The following TRIM38 variants were observed in gnomAD, a reference collection of about 807,000 sequenced individuals.
The protein encoded by TRIM38 is E3 ubiquitin-protein ligase TRIM38.
Under a neutral mutation model 35.8 loss-of-function variants are expected in TRIM38, and 35 were observed. That is an observed-to-expected ratio of 0.98 (90% CI 0.75 to 1.30). The LOEUF is 1.30. TRIM38 is among the 50% of genes most tolerant of loss of function. The pLI, the probability that TRIM38 is intolerant of heterozygous loss-of-function variation, is 0.00. For missense variants in TRIM38, 545 were observed against 556.9 expected (o/e 0.98, Z 0.21); for synonymous variants, 198 against 204.7 (o/e 0.97, Z 0.28).
intron 7 of TRIM38, among the ~76,000 whole-genome samples, chr6:25,982,690 T>G (rs58764905): frequency 6.6e-6 from 1 of 152,228 alleles, no homozygotes; most frequent in Non-Finnish European, 1.5e-5. Context: ...AATTTCCACT[T>G]TATAGTTAAC....
At chr6:25,977,776 C>T (rs1253338157) in intron 7 of TRIM38, among the ~76,000 whole-genome samples, 2 of 151,926 alleles carry the variant, frequency 1.3e-5, no homozygotes, top group Non-Finnish European at 2.9e-5. Context: ...GTCATCTTTG[C>T]TCTGATAGCA....
At chr6:25,972,210 G>A (rs2113595851) in intron 5 of TRIM38, 111 bp downstream of exon 5, 1 of 960,636 alleles carries the variant, frequency 1.0e-6, no homozygotes, top group South Asian at 1.6e-5. Context: ...ATGTACATCA[G>A]TGCCATCAGG....
chr6:25,983,043 A>C (rs1760599175), intron 7 of TRIM38, 121 bp from the exon 8 acceptor site: 1 of 927,212 alleles, frequency 1.1e-6, no homozygotes, highest in Non-Finnish European at 1.6e-6. Flanking sequence ...GAGTTGAGAT[A>C]GTGCCAGTGC....
rs190711675 is a variant in TRIM38, at chr6:25,987,790, T to C, written c.*4103T>C. On this transcript the variant is annotated 3_prime_UTR_variant, in exon 8 of 8. Transcript: ENST00000357085. ...ATGTATAATGTCATGTATTCACCAT[T>C]ATAGTATCACAGAAGTTTCACTGCC... The C allele has an allele frequency of 1.3e-5, 2 of 152,338 alleles. No individual in the cohort carries two copies. The highest frequency in any genetic ancestry group is 2.9e-5 in the Non-Finnish European group (2 of 68,026). The allele number at this position is 152,338 out of a possible 1,614,324, so 9.4% of individuals were successfully genotyped here.
chr6:25,983,302 G>A lies in TRIM38; in HGVS notation c.1013G>A (p.Gly338Asp). The stretch of plus-strand genomic sequence containing the variant: ...TTTACTGCCTTCCCCTGTGTCTTGG[G>A]TTGTGAAGGCTTCACCTCAGGAAGA... ...RRFTAFPCVLGCEGFTSGRRY... is the reference protein window; with the variant it reads ...RRFTAFPCVLDCEGFTSGRRY... Residue 338 changes from glycine (G) to aspartate (D), a missense_variant, in exon 8 of 8, where the codon GGT (glycine) becomes GAT (aspartate). Transcript: ENST00000357085. 1.2e-6 allele frequency: 2 copies of A among 1,614,170 alleles called. No individual in the cohort carries two copies. Among genetic ancestry groups the A allele is most frequent in the South Asian group, 1.1e-5 (1 of 91,088 alleles).
Position 25,983,451 on chromosome 6 carries a change from T to A in TRIM38, c.1162T>A (p.Cys388Ser). The A allele has an allele frequency of 3.1e-6, 5 of 1,614,134 alleles. No homozygotes were observed. Among genetic ancestry groups the A allele is most frequent in the Non-Finnish European group, 4.2e-6 (5 of 1,180,028 alleles). The stretch of plus-strand genomic sequence containing the variant: ...GTCTGGATTCTGGACCCTCAGGCTG[T>A]GCAAAAAGAAAGGCTATGTAGCACT... ...PQSGFWTLRL[C>S]KKKGYVALTS... The change falls in exon 8 of 8, where the codon TGC becomes AGC. Residue 388 changes from cysteine (C) to serine (S), a missense_variant. Coordinates refer to ENST00000357085, the MANE Select transcript of TRIM38 (RefSeq NM_006355.5).
At chr6:25,974,735 A>T in intron 7 of TRIM38, 1 of 205,154 alleles carries the variant, frequency 4.9e-6, no homozygotes, top group Non-Finnish European at 8.6e-6. Context: ...GTTGAACTTT[A>T]GAGTATATGC....
At position 25,990,022 on chromosome 6, in the gene TRIM38, C is replaced by A. The variant is rs199820208; in HGVS notation, c.*6335C>A. On this transcript the variant is annotated 3_prime_UTR_variant, in exon 8 of 8. Transcript: ENST00000357085. ...ACTTTATCATCCTTTTTTTTTTTTTCTTTCTTCCTTTTTAGATACAGGGTC... is the reference window on the plus strand; with the variant it reads ...ACTTTATCATCCTTTTTTTTTTTTTATTTCTTCCTTTTTAGATACAGGGTC... 1 of 108,282 alleles carries A rather than the reference C, an allele frequency of 9.2e-6. No individual in the cohort carries two copies. The highest frequency in any genetic ancestry group is 3.0e-4 in the East Asian group (1 of 3,310). 6.7% of individuals were successfully genotyped at this position (108,282 alleles called of 1,614,324 possible).
chr6:25,966,988 A>T, intron 3 of TRIM38, 55 bp downstream of exon 3: 1 of 1,498,036 alleles, frequency 6.7e-7, no homozygotes, highest in Non-Finnish European at 9.0e-7. Flanking sequence ...CCTGCTCCCC[A>T]GGAGCTGAGA....
chr6:25,980,332 T>G (rs1760509233), intron 7 of TRIM38, among the ~76,000 whole-genome samples: 1 of 152,230 alleles, frequency 6.6e-6, no homozygotes, highest in African/African-American at 2.4e-5. Context: ...CTTTGTATAT[T>G]AACACAATTC....
At chr6:25,965,610 G>C (rs930937635) in intron 2 of TRIM38, among the ~76,000 whole-genome samples, 1 of 152,216 alleles carries the variant, frequency 6.6e-6, no homozygotes, top group East Asian at 1.9e-4. Flanking sequence ...CTGGGCAAGA[G>C]AGCGAGAACT....
At chr6:25,970,241 A>G (rs1156495968) in intron 4 of TRIM38, among the ~76,000 whole-genome samples, 1 of 152,196 alleles carries the variant, frequency 6.6e-6, no homozygotes, top group African/African-American at 2.4e-5. Flanking sequence ...AGTACATCAC[A>G]AGTAATGCAA....
rs1219466444 is a variant in TRIM38 at position 25,984,487 on chromosome 6, CGAGT to C, written c.*805_*808del. 2 of 152,198 alleles carry C rather than the reference CGAGT, an allele frequency of 1.3e-5. No homozygotes were observed. The highest frequency in any genetic ancestry group is 2.9e-5 in the Non-Finnish European group (2 of 68,030). 9.4% of individuals were successfully genotyped at this position (152,198 alleles called of 1,614,324 possible). On this transcript the variant is annotated 3_prime_UTR_variant, in exon 8 of 8. Transcript: ENST00000357085. Reference sequence around the variant, plus strand: ...TTGAAAAAGACCAAATTACCATACCCGAGTGAGTAATGACAGGACTACAACTAAA... The same window carrying C: ...TTGAAAAAGACCAAATTACCATACCCGAGTAATGACAGGACTACAACTAAA...
rs1222399538 is a variant in TRIM38, at chr6:25,988,474, C to CTT, written c.*4791_*4792dup. On this transcript the variant is annotated 3_prime_UTR_variant, in exon 8 of 8. Coordinates refer to ENST00000357085, the MANE Select transcript of TRIM38 (RefSeq NM_006355.5). ...TGGCTTGATCGTTTCTTTTCTTTTT[C>CTT]TTTTTCTTTTTTCTTTTCTTTCTTT... 4 of 84,972 alleles carry CTT rather than the reference C, an allele frequency of 4.7e-5. No individual in the cohort carries two copies. Among genetic ancestry groups the CTT allele is most frequent in the African/African-American group, 1.9e-4 (4 of 21,008 alleles). The allele number at this position is 84,972 out of a possible 1,614,324, so 5.3% of individuals were successfully genotyped here.
At chr6:25,976,698 C>T (rs115913330) in intron 7 of TRIM38, among the ~76,000 whole-genome samples, 3,949 of 152,186 alleles carry the variant, frequency 0.026, 75 homozygotes, top group Non-Finnish European at 0.043. Context: ...CCTTGTGTCC[C>T]GTAAATGTTC....
intron 7 of TRIM38, chr6:25,973,745 A>T: frequency 1.0e-6 from 1 of 985,458 alleles, no homozygotes; most frequent in Non-Finnish European, 1.2e-6. Flanking sequence ...GTAGGTGAGT[A>T]TGATAACCTA....
chr6:25,972,461 C>T (rs1022134535), intron 5 of TRIM38, among the ~76,000 whole-genome samples: 1 of 152,184 alleles, frequency 6.6e-6, no homozygotes, highest in African/African-American at 2.4e-5. Context: ...CTTGTAGAAC[C>T]CTTGCTCCAG....
rs1322876841 is a variant in TRIM38, at chr6:25,983,374, G to A, written c.1085G>A (p.Gly362Glu). Residue 362 changes from glycine (G) to glutamate (E), a missense_variant, in exon 8 of 8, where the codon GGA becomes GAA. Physicochemically the swap from Gly to Glu is moderately conservative, Grantham distance 98. Coordinates refer to ENST00000357085, the MANE Select transcript of TRIM38 (RefSeq NM_006355.5). ...DVGEGTGWDL[G>E]VCMENVQRGT... ...GGCGAAGGAACCGGATGGGATTTAG[G>A]AGTTTGTATGGAAAATGTGCAGAGG... 2.5e-6 allele frequency: 4 copies of A among 1,614,070 alleles called. No individual in the cohort carries two copies. In the Admixed American group the frequency reaches 6.7e-5, roughly 27 times the overall value.
intron 7 of TRIM38, chr6:25,973,660 C>T (rs1342310432): frequency 1.0e-6 from 1 of 985,026 alleles, no homozygotes; most frequent in African/African-American, 1.7e-5. Context: ...ATCATAATAG[C>T]ACATCATGGT....
Sources: allele counts gnomAD v4.1 joint callset (sites outside exome capture counted in the v4.1 genomes callset), GRCh38; gene constraint gnomAD v4.1.1; transcripts MANE v1.5; gene names NCBI Gene and HGNC (gene_info 2026-07-23, HGNC 2026-07-21).